The following ZNF804B variants were observed in gnomAD, a reference collection of about 807,000 sequenced individuals.
ZNF804B encodes zinc finger protein 804B.
Under a neutral mutation model 101.4 loss-of-function variants are expected in ZNF804B, and 80 were observed. That is an observed-to-expected ratio of 0.79 (90% confidence interval 0.66 to 0.95). The LOEUF (loss-of-function observed/expected upper bound fraction) is 0.95, where lower values mean the gene tolerates loss of function less well. ZNF804B is among the 40% of genes least tolerant of loss of function. The probability of loss-of-function intolerance (pLI) is 0.00; values close to 1 mark genes in which losing one functional copy is unlikely to be tolerated. For synonymous variants in ZNF804B, 622 were observed against 558.8 expected, an observed-to-expected ratio of 1.11 and a Z score of -1.59; for missense variants, 1,673 against 1,561.9, an observed-to-expected ratio of 1.07 and a Z score of -1.20.
intron 1 of ZNF804B, chr7:88,794,459 T>C (rs201329404): frequency 3.7e-6 from 6 of 1,613,942 alleles, no homozygotes; most frequent in Admixed American, 1.7e-5. Context: ...TGTGACTGTG[T>C]CACATCGTCG....
intron 1 of ZNF804B, among the ~76,000 whole-genome samples, chr7:89,048,073 CG>C (rs1458642134): frequency 6.6e-6 from 1 of 151,996 alleles, no homozygotes; most frequent in East Asian, 1.9e-4. Context: ...GCACACTATT[CG>C]TAGTCTTTTA....
At chr7:88,978,963 A>T (rs1018974746) in intron 1 of ZNF804B, among the ~76,000 whole-genome samples, 1 of 151,914 alleles carries the variant, frequency 6.6e-6, no homozygotes, top group Non-Finnish European at 1.5e-5. Context: ...TGAAGTTACC[A>T]TGAGACTTGC....
intron 1 of ZNF804B, among the ~76,000 whole-genome samples, chr7:88,807,711 G>A (rs894559288): frequency 6.6e-6 from 1 of 152,092 alleles, no homozygotes; most frequent in Non-Finnish European, 1.5e-5. Flanking sequence ...GTCTCAAGCT[G>A]TAACTCTTCT....
At chr7:89,153,523 A>G (rs17308051) in intron 1 of ZNF804B, among the ~76,000 whole-genome samples, 20,215 of 151,598 alleles carry the variant, frequency 0.13, 1,502 homozygotes, top group Middle Eastern at 0.24. Context: ...CCCAAGAGCA[A>G]AAATGAATTT....
intron 2 of ZNF804B, among the ~76,000 whole-genome samples, chr7:89,268,623 AAG>A (rs1584093547): frequency 6.6e-6 from 1 of 151,996 alleles, no homozygotes; most frequent in East Asian, 1.9e-4. Flanking sequence ...GCGCAAATTT[AAG>A]AGTCTTGTAA....
intron 1 of ZNF804B, among the ~76,000 whole-genome samples, chr7:88,965,834 ACAAT>A (rs1344793275): frequency 1.3e-5 from 2 of 151,548 alleles, no homozygotes; most frequent in Non-Finnish European, 3.0e-5. Flanking sequence ...GATTAAGATG[ACAAT>A]CAATCAGAAT....
chr7:89,196,702 G>C (rs1788558604), intron 1 of ZNF804B, among the ~76,000 whole-genome samples: 1 of 151,976 alleles, frequency 6.6e-6, no homozygotes, highest in South Asian at 2.1e-4. Flanking sequence ...TACAAAATGG[G>C]AGAACATTTT....
chr7:89,255,628 G>C lies in ZNF804B; in HGVS notation c.249+37333G>C, dbSNP rs73708615. 4.1e-3 allele frequency among the ~76,000 whole-genome samples: 627 copies of C among 152,186 alleles called. 4 individuals carry two copies. Among genetic ancestry groups the C allele is most frequent in the African/African-American group, 0.014 (589 of 41,538 alleles). On this transcript the variant is annotated intron_variant, in intron 2 of 3. Transcript: ENST00000333190. ...ACAAATAAATATCATGTAGATTAAA[G>C]ACTTATCTGCAAGAGTATAGGAAAA...
intron 1 of ZNF804B, among the ~76,000 whole-genome samples, chr7:89,098,054 C>T (rs1789994380): frequency 6.6e-6 from 1 of 152,026 alleles, no homozygotes; most frequent in African/African-American, 2.4e-5. Context: ...CAGACCTAAG[C>T]ACTTTACATA....
intron 1 of ZNF804B, among the ~76,000 whole-genome samples, chr7:88,887,898 T>C (rs552992935): frequency 9.2e-5 from 14 of 152,302 alleles, no homozygotes; most frequent in African/African-American, 3.4e-4. Flanking sequence ...ATGTATATTC[T>C]TTAAAAAACA....
intron 1 of ZNF804B, among the ~76,000 whole-genome samples, chr7:88,918,825 C>G (rs80257278): frequency 0.011 from 1,692 of 152,136 alleles, 32 homozygotes; most frequent in African/African-American, 0.039. Flanking sequence ...CTCAGCAGTT[C>G]CCTGTGAGCT....
intron 1 of ZNF804B, among the ~76,000 whole-genome samples, chr7:89,153,670 G>A (rs10486901): frequency 0.17 from 26,350 of 151,992 alleles, 2,479 homozygotes; most frequent in African/African-American, 0.24. Context: ...CCTAGGACCA[G>A]TTCTGTGGAA....
chr7:88,822,828 C>T (rs537829449), intron 1 of ZNF804B, among the ~76,000 whole-genome samples: 13 of 152,118 alleles, frequency 8.5e-5, no homozygotes, highest in Non-Finnish European at 1.6e-4. Flanking sequence ...TGACAGAGTC[C>T]TCTAATGAAG....
intron 1 of ZNF804B, among the ~76,000 whole-genome samples, chr7:89,081,398 C>T (rs1270383751): frequency 1.3e-5 from 2 of 151,708 alleles, no homozygotes; most frequent in Non-Finnish European, 2.9e-5. Context: ...TGTACTTGTC[C>T]TTTTTAGAGT....
chr7:88,884,162 T>G (rs985714995), intron 1 of ZNF804B, among the ~76,000 whole-genome samples: 3 of 151,666 alleles, frequency 2.0e-5, no homozygotes, highest in Non-Finnish European at 3.0e-5. Context: ...CTCCATATTC[T>G]TTACCTCCTT....
chr7:88,807,315 AAAG>A (rs1189088154), intron 1 of ZNF804B, among the ~76,000 whole-genome samples: 1 of 152,220 alleles, frequency 6.6e-6, no homozygotes, highest in African/African-American at 2.4e-5. Flanking sequence ...TGAACAATAA[AAAG>A]AACAAAAATA....
At chr7:89,031,403 C>T (rs1053796251) in intron 1 of ZNF804B, among the ~76,000 whole-genome samples, 1 of 152,016 alleles carries the variant, frequency 6.6e-6, no homozygotes, top group East Asian at 1.9e-4. Context: ...CAACTGCCTT[C>T]TTCAATAAAC....
At chr7:88,851,892 G>A (rs1791455045) in intron 1 of ZNF804B, among the ~76,000 whole-genome samples, 1 of 152,092 alleles carries the variant, frequency 6.6e-6, no homozygotes, top group African/African-American at 2.4e-5. Flanking sequence ...TCTTATATGT[G>A]AAGTGTTATA....
chr7:89,236,464 A>T lies in ZNF804B; in HGVS notation c.249+18169A>T, dbSNP rs192158275. Among the ~76,000 whole-genome samples, 46 of 152,292 alleles carry T rather than the reference A, an allele frequency of 3.0e-4. 1 individual carries two copies. The highest frequency in any genetic ancestry group is 2.1e-3 in the East Asian group (11 of 5,186). On this transcript the variant is annotated intron_variant, in intron 2 of 3. Coordinates refer to ENST00000333190, the MANE Select transcript of ZNF804B (RefSeq NM_181646.5). ...TATGAAAATCATTAATGGACAGCAA[A>T]GTTCCATTCATACATATATAGAGAA...
Sources: allele counts gnomAD v4.1 joint callset (sites outside exome capture counted in the v4.1 genomes callset), GRCh38; gene constraint gnomAD v4.1.1; transcripts MANE v1.5; gene names NCBI Gene and HGNC (gene_info 2026-07-23, HGNC 2026-07-21).